The following GOLGA4 variants were observed in gnomAD, a reference collection of about 807,000 sequenced individuals.
The protein encoded by GOLGA4 is golgin A4, also known as golgin subfamily A member 4.
GOLGA4 carries 169 observed loss-of-function variants against 265.9 expected under a neutral mutation model. The observed-to-expected ratio is 0.64, with a 90% CI of 0.56 to 0.72. The LOEUF is 0.72. Ranked by LOEUF, GOLGA4 falls within the 30% of genes least tolerant of loss-of-function variation. The pLI, the probability that GOLGA4 is intolerant of heterozygous loss-of-function variation, is 0.00. For synonymous variants in GOLGA4, 923 were observed against 855.8 expected, an observed-to-expected ratio of 1.08 and a Z score of -1.37; for missense variants, 2,482 against 2,483.4, an observed-to-expected ratio of 1.00 and a Z score of 0.01.
In GOLGA4 at chr3:37,319,994, A is replaced by C. The variant is rs1217077786; in HGVS notation, c.1545+800A>C. 2 of 152,314 alleles carry C rather than the reference A, an allele frequency of 1.3e-5. 1 individual carries two copies. The highest frequency in any genetic ancestry group is 6.8e-3 in the Middle Eastern group (2 of 294). 9.4% of individuals were successfully genotyped at this position (152,314 alleles called of 1,614,324 possible). On this transcript the variant is annotated intron_variant, in intron 12 of 23. Coordinates refer to ENST00000361924, the MANE Select transcript of GOLGA4 (RefSeq NM_002078.5). ...GTGTACCCAGAGCTCAAGGCTGAGA[A>C]AATTTTGGCTGACTTGCATTTTACA...
chr3:37,355,813 G>GAA (rs1247709491), intron 22 of GOLGA4, among the ~76,000 whole-genome samples: 1 of 152,118 alleles, frequency 6.6e-6, no homozygotes, highest in African/African-American at 2.4e-5. Context: ...GGCAGAGTAT[G>GAA]AAACTTGAAA....
chr3:37,302,804 GA>G (rs1304776358), intron 10 of GOLGA4: 2 of 154,316 alleles, frequency 1.3e-5, no homozygotes, highest in Admixed American at 1.3e-4. Flanking sequence ...CTTTTAAAGA[GA>G]ATAATGAACA....
chr3:37,251,625 CTTTTTT>C (rs112817114), intron 2 of GOLGA4, 141 bp downstream of exon 2: 2 of 476,990 alleles, frequency 4.2e-6, no homozygotes, highest in African/African-American at 2.2e-5. Flanking sequence ...CACAATTGGT[CTTTTTT>C]TTTTTTTTTT....
In GOLGA4 at chr3:37,298,935, A is replaced by G; in HGVS notation, c.917A>G (p.Lys306Arg). ...KRCKETIQSH[K>R]EQCTLLTSEK... ...TGTAAGGAAACAATTCAGTCACATA[A>G]GGAACAATGTACACTATTAACTAGT... Residue 306 changes from lysine (K) to arginine (R), a missense_variant, in exon 8 of 24, where the codon AAG (lysine) becomes AGG (arginine). Lys to Arg is a conservative substitution (Grantham distance 26, BLOSUM62 2). Coordinates refer to ENST00000361924, the MANE Select transcript of GOLGA4 (RefSeq NM_002078.5). 1 of 1,613,238 alleles carries G rather than the reference A, an allele frequency of 6.2e-7. No individual in the cohort carries two copies. The highest frequency in any genetic ancestry group is 8.5e-7 in the Non-Finnish European group (1 of 1,179,198).
intron 13 of GOLGA4, among the ~76,000 whole-genome samples, chr3:37,322,842 C>T (rs536502875): frequency 4.6e-4 from 70 of 151,340 alleles, no homozygotes; most frequent in Non-Finnish European, 2.1e-4. Context: ...AAAAAAAGAA[C>T]CTTCCAAATG....
At chr3:37,333,819 A>G (rs1430750957) in intron 16 of GOLGA4, among the ~76,000 whole-genome samples, 1 of 152,256 alleles carries the variant, frequency 6.6e-6, no homozygotes, top group South Asian at 2.1e-4. Flanking sequence ...TGTTTTTGCA[A>G]TTAAGTCTAA....
In GOLGA4 at chr3:37,302,427, A is replaced by G. The variant is rs531695261; in HGVS notation, c.1234+95A>G. ...TTAAAAATGAGTTAAATATTGATAA[A>G]AATTCTTAACTATAGAGGCTCCTAA... On this transcript the variant is annotated intron_variant, in intron 10 of 23. Coordinates refer to ENST00000361924, the MANE Select transcript of GOLGA4 (RefSeq NM_002078.5). 5.5e-5 allele frequency: 61 copies of G among 1,108,640 alleles called. No homozygotes were observed. In the East Asian group the frequency reaches 1.5e-3, roughly 27 times the overall value. The allele number at this position is 1,108,640 out of a possible 1,614,324, so 68.7% of individuals were successfully genotyped here.
In GOLGA4 at chr3:37,340,025, C is replaced by G. The variant is rs1010343900; in HGVS notation, c.6397-99C>G. 6 of 576,954 alleles carry G rather than the reference C, an allele frequency of 1.0e-5. No homozygotes were observed. In the African/African-American group the frequency reaches 1.2e-4, roughly 11 times the overall value. 35.7% of individuals were successfully genotyped at this position (576,954 alleles called of 1,614,324 possible). The stretch of plus-strand genomic sequence containing the variant: ...TTAATTTTATTTGCCTATATTCTGT[C>G]TTCAGCATTAAAAAACCTTGTGGTG... On this transcript the variant is annotated intron_variant, in intron 19 of 23. Transcript: ENST00000361924.
chr3:37,354,283 C>G (rs1230193586), intron 21 of GOLGA4, among the ~76,000 whole-genome samples: 1 of 151,992 alleles, frequency 6.6e-6, no homozygotes, highest in Non-Finnish European at 1.5e-5. Context: ...GGCTACCCTC[C>G]CATCCACGGT....
chr3:37,285,442 A>G (rs879317661), intron 3 of GOLGA4, among the ~76,000 whole-genome samples: 9 of 152,230 alleles, frequency 5.9e-5, no homozygotes, highest in South Asian at 4.1e-4. Context: ...ACCAGTTTTC[A>G]TCTGTTGATT....
intron 2 of GOLGA4, among the ~76,000 whole-genome samples, chr3:37,277,089 C>G (rs1312512114): frequency 6.6e-6 from 1 of 152,048 alleles, no homozygotes; most frequent in Non-Finnish European, 1.5e-5. Flanking sequence ...ACCAGCTTAT[C>G]TAAAATGTAC....
At chr3:37,327,878 C>T (rs1311069877) in intron 14 of GOLGA4, 53 bp downstream of exon 14, 16 of 1,422,748 alleles carry the variant, frequency 1.1e-5, no homozygotes, top group East Asian at 2.3e-5. Flanking sequence ...TTAATTAAGT[C>T]TCCTTTTTTT....
chr3:37,364,111 TAAAACTCCCCC>T (rs1696558213), intron 23 of GOLGA4, among the ~76,000 whole-genome samples: 1 of 152,202 alleles, frequency 6.6e-6, no homozygotes, highest in Non-Finnish European at 1.5e-5. Flanking sequence ...TTCAGAAGAC[TAAAACTCCCCC>T]TATCCACTTA....
At chr3:37,310,015 G>A (rs1395971692) in intron 10 of GOLGA4, among the ~76,000 whole-genome samples, 1 of 152,156 alleles carries the variant, frequency 6.6e-6, no homozygotes, top group Admixed American at 6.5e-5. Flanking sequence ...TCATTTTGTA[G>A]TGCATTTCAT....
Position 37,352,712 on chromosome 3 carries a change from GGTTT to G in GOLGA4, c.6577-2385_6577-2382del, listed in dbSNP as rs564324899. ...GTTTGGCTAAGGGAATGTTGTTACTGGTTTGTTCTTCAGACCACTAAAACTTTCT... is the reference window on the plus strand; with the variant it reads ...GTTTGGCTAAGGGAATGTTGTTACTGGTTCTTCAGACCACTAAAACTTTCT... On this transcript the variant is annotated intron_variant, in intron 21 of 23. Transcript: ENST00000361924. Among the ~76,000 whole-genome samples, 297 of 152,102 alleles carry G rather than the reference GGTTT, an allele frequency of 2.0e-3. 1 individual carries two copies. The highest frequency in any genetic ancestry group is 3.1e-3 in the Non-Finnish European group (214 of 67,966).
At chr3:37,359,897 C>T (rs968021962) in intron 22 of GOLGA4, among the ~76,000 whole-genome samples, 10 of 152,102 alleles carry the variant, frequency 6.6e-5, no homozygotes, top group African/African-American at 2.4e-4. Context: ...AAATATTGCA[C>T]ATGTCAAATA....
At position 37,302,165 on chromosome 3, in the gene GOLGA4, G is replaced by C. The variant is rs2096894670; in HGVS notation, c.1087-20G>C. The C allele has an allele frequency of 6.2e-7, 1 of 1,606,900 alleles. No individual in the cohort carries two copies. Among genetic ancestry groups the C allele is most frequent in the Admixed American group, 1.7e-5 (1 of 59,616 alleles). ...GCAGTTTTGTTATGCAAATGTTTTA[G>C]AGTCTTCACTTCTATTCAGGGAATG... On this transcript the variant is annotated intron_variant, in intron 9 of 23. Coordinates refer to ENST00000361924, the MANE Select transcript of GOLGA4 (RefSeq NM_002078.5).
chr3:37,303,648 C>T (rs941866877), intron 10 of GOLGA4, among the ~76,000 whole-genome samples: 1 of 152,186 alleles, frequency 6.6e-6, no homozygotes, highest in African/African-American at 2.4e-5. Context: ...CAGGAGTCAT[C>T]AGCCTAGGAT....
chr3:37,297,166 C>T (rs1352274591), intron 7 of GOLGA4, among the ~76,000 whole-genome samples: 1 of 152,204 alleles, frequency 6.6e-6, no homozygotes, highest in African/African-American at 2.4e-5. Context: ...AATTCAGTTA[C>T]AGCCTTCTTT....
Sources: allele counts gnomAD v4.1 joint callset (sites outside exome capture counted in the v4.1 genomes callset), GRCh38; gene constraint gnomAD v4.1.1; transcripts MANE v1.5; gene names NCBI Gene and HGNC (gene_info 2026-07-23, HGNC 2026-07-21).